Variants in ADGRB1 observed in about 807,000 individuals in gnomAD.
The protein encoded by ADGRB1 is adhesion G protein-coupled receptor B1.
ADGRB1 carries 36 observed loss-of-function variants against 175.7 expected under a neutral mutation model. The ratio of observed to expected loss-of-function variants is 0.20; its 90% confidence interval spans 0.16 to 0.27. The LOEUF is 0.27. Ranked by LOEUF, ADGRB1 falls within the 10% of genes least tolerant of loss-of-function variation. The pLI, the probability that ADGRB1 is intolerant of heterozygous loss-of-function variation, is 1.00. For missense variants in ADGRB1, 1,731 were observed against 2,255.3 expected, an observed-to-expected ratio of 0.77 and a Z score of 4.71; for synonymous variants, 1,054 against 979.4, an observed-to-expected ratio of 1.08 and a Z score of -1.42.
In ADGRB1 at chr8:142,478,274, G is replaced by A. The variant is rs1396985966; in HGVS notation, c.1475G>A (p.Arg492His). ...SCSQGRQQRT[R>H]ECNGPSYGGA... is the part of the protein sequence containing the mutation. ...TCCCAGGGCCGACAGCAGCGCACGCGTGAATGCAACGGGCCTTCCTACGGG... is the reference window on the plus strand; with the variant it reads ...TCCCAGGGCCGACAGCAGCGCACGCATGAATGCAACGGGCCTTCCTACGGG... Residue 492 changes from arginine to histidine, a missense_variant, in exon 7 of 31, where the codon CGT becomes CAT. Arg to His is a conservative substitution (Grantham distance 29). This residue lies in a region of ADGRB1 where 388 missense variants were observed against 630.9 expected (regional missense o/e 0.61). Coordinates refer to ENST00000517894, the MANE Select transcript of ADGRB1 (RefSeq NM_001702.3). The A allele has an allele frequency of 6.2e-7, 1 of 1,610,542 alleles. No homozygotes were observed. The highest frequency in any genetic ancestry group is 1.7e-5 in the Admixed American group (1 of 59,758).
In ADGRB1 at chr8:142,469,328, T is replaced by C. The variant is rs548278090; in HGVS notation, c.784+4346T>C. On this transcript the variant is annotated intron_variant, in intron 2 of 30. Transcript: ENST00000517894. ...ATGTGTGAATGTAAATGTGTGCACA[T>C]GCATGTGTGTGAATGTGGGAGTGTC... is the stretch of plus-strand genomic sequence containing the variant. Among the ~76,000 whole-genome samples the C allele has an allele frequency of 2.6e-5, 4 of 151,480 alleles. No individual in the cohort carries two copies. In the East Asian group the frequency reaches 7.8e-4, roughly 30 times the overall value.
At position 142,518,076 on chromosome 8, in the gene ADGRB1, G is replaced by A. The variant is rs1407608870; in HGVS notation, c.2818-62G>A. ...TGCGGGCTCTCGGGTCTCAGTCTTC[G>A]GGTCTGCCGAGTGGGCGAGTGGGGT... On this transcript the variant is annotated intron_variant, in intron 18 of 30. Coordinates refer to ENST00000517894, the MANE Select transcript of ADGRB1 (RefSeq NM_001702.3). 3.1e-5 allele frequency: 47 copies of A among 1,533,248 alleles called. No individual in the cohort carries two copies. Among genetic ancestry groups the A allele is most frequent in the Non-Finnish European group, 2.9e-5 (32 of 1,113,402 alleles). The allele number at this position is 1,533,248 out of a possible 1,614,324, so 95.0% of individuals were successfully genotyped here. A position where few individuals can be genotyped will look rare whatever the true frequency, so the allele number is the denominator to read the frequency against.
In ADGRB1 at chr8:142,461,691, G is replaced by A. The variant is rs114415816; in HGVS notation, c.-219-2289G>A. On this transcript the variant is annotated intron_variant, in intron 1 of 30. Coordinates refer to ENST00000517894, the MANE Select transcript of ADGRB1 (RefSeq NM_001702.3). ...CCTGGGATGAGGAGGGGAAAGGTGGGCCTTGGCATCTTGAGCTGTGCGGGT... is the reference window on the plus strand; with the variant it reads ...CCTGGGATGAGGAGGGGAAAGGTGGACCTTGGCATCTTGAGCTGTGCGGGT... 4.0e-3 allele frequency among the ~76,000 whole-genome samples: 607 copies of A among 152,330 alleles called. 5 individuals are homozygous for A. The highest frequency in any genetic ancestry group is 0.014 in the African/African-American group (583 of 41,576).
chr8:142,459,322 T>C (rs1839846876), intron 1 of ADGRB1, among the ~76,000 whole-genome samples: 1 of 152,078 alleles, frequency 6.6e-6, no homozygotes, highest in Non-Finnish European at 1.5e-5. Flanking sequence ...ACCCAGGGGA[T>C]CCTCCCAACC....
chr8:142,526,645 C>T lies in ADGRB1; in HGVS notation c.3398+18C>T, dbSNP rs559797185. 5.0e-5 allele frequency: 80 copies of T among 1,602,690 alleles called. No individual in the cohort carries two copies. In the South Asian group the frequency reaches 6.8e-4, roughly 14 times the overall value. The stretch of plus-strand genomic sequence containing the variant: ...CGGGCAGGGTAGGACCGGGGCTACG[C>T]GGCTCCTTGCCCACCCGGAGTGCAA... On this transcript the variant is annotated intron_variant, in intron 24 of 30. Transcript: ENST00000517894.
chr8:142,452,906 G>A (rs1839440634), intron 1 of ADGRB1, among the ~76,000 whole-genome samples: 1 of 148,482 alleles, frequency 6.7e-6, no homozygotes, highest in South Asian at 2.1e-4. Context: ...CGCTGCCGCT[G>A]ACTGCCGGGA....
At chr8:142,456,010 G>A (rs1032453493) in intron 1 of ADGRB1, among the ~76,000 whole-genome samples, 4 of 152,158 alleles carry the variant, frequency 2.6e-5, no homozygotes, top group Admixed American at 6.5e-5. Flanking sequence ...AAGTCTTGGT[G>A]AGGCCCCAGT....
intron 24 of ADGRB1, among the ~76,000 whole-genome samples, chr8:142,529,398 C>A (rs1476737215): frequency 6.6e-6 from 1 of 152,014 alleles, no homozygotes; most frequent in African/African-American, 2.4e-5. Context: ...CTTTTAATTT[C>A]GCTTGTAGCC....
Position 142,511,175 on chromosome 8 carries a change from C to G in ADGRB1, c.2817+102C>G. On this transcript the variant is annotated intron_variant, in intron 18 of 30. Coordinates refer to ENST00000517894, the MANE Select transcript of ADGRB1 (RefSeq NM_001702.3). This position sits in a 1 kb window ranked among gnomAD's most constrained non-coding sequence, Gnocchi z 4.5. The stretch of plus-strand genomic sequence containing the variant: ...GGGAGGGCCCGCACCCGTCCTGTCC[C>G]GGAGGGGTCGCTGTGGCCCGCAGCC... The G allele has an allele frequency of 3.2e-6, 3 of 928,740 alleles. No homozygotes were observed. The highest frequency in any genetic ancestry group is 5.2e-4 in the Middle Eastern group (1 of 1,912). The allele number at this position is 928,740 out of a possible 1,614,324, so 57.5% of individuals were successfully genotyped here.
chr8:142,541,840 C>T lies in ADGRB1; in HGVS notation c.3707-101C>T, dbSNP rs116050017. 2,017 of 1,266,744 alleles carry T rather than the reference C, an allele frequency of 1.6e-3. 31 individuals carry two copies. In the African/African-American group the frequency reaches 0.027, roughly 17 times the overall value. The allele number at this position is 1,266,744 out of a possible 1,614,324, so 78.5% of individuals were successfully genotyped here. A position where few individuals can be genotyped will look rare whatever the true frequency, so the allele number is the denominator to read the frequency against. ...CTGGCCAGGGTCTCCCAGGAGGTGG[C>T]GGCCTCGCAGGGCAGACTGGGCCCC... On this transcript the variant is annotated intron_variant, in intron 27 of 30. Transcript: ENST00000517894.
At chr8:142,528,688 G>A (rs541245945) in intron 24 of ADGRB1, among the ~76,000 whole-genome samples, 1 of 152,072 alleles carries the variant, frequency 6.6e-6, no homozygotes, top group African/African-American at 2.4e-5. Flanking sequence ...CACCCTTGGG[G>A]CTCCGCGCTC....
At chr8:142,454,021 CTGA>C (rs1839513849) in intron 1 of ADGRB1, among the ~76,000 whole-genome samples, 1 of 152,160 alleles carries the variant, frequency 6.6e-6, no homozygotes, top group Non-Finnish European at 1.5e-5. Context: ...GACCTGAGCC[CTGA>C]AGGTCTTGGC....
intron 2 of ADGRB1, among the ~76,000 whole-genome samples, chr8:142,468,209 C>T (rs556508735): frequency 0.015 from 2,267 of 150,152 alleles, 64 homozygotes; most frequent in African/African-American, 0.053. Flanking sequence ...AGTGTGGGTG[C>T]GTGTGTGTGT....
At chr8:142,506,668 C>CG (rs1287494969) in intron 17 of ADGRB1, among the ~76,000 whole-genome samples, 5 of 152,192 alleles carry the variant, frequency 3.3e-5, no homozygotes, top group Non-Finnish European at 5.9e-5. Flanking sequence ...GTCAGACTTT[C>CG]GGGGGAACTT....
At chr8:142,480,195 C>T (rs140839851) in intron 9 of ADGRB1, among the ~76,000 whole-genome samples, 2,147 of 152,258 alleles carry the variant, frequency 0.014, 23 homozygotes, top group African/African-American at 0.02. Flanking sequence ...GGGAAGGGCT[C>T]GCTGCACTAG....
Position 142,455,051 on chromosome 8 carries a change from G to A in ADGRB1, c.-220+4947G>A, listed in dbSNP as rs922772391. On this transcript the variant is annotated intron_variant, in intron 1 of 30. Coordinates refer to ENST00000517894, the MANE Select transcript of ADGRB1 (RefSeq NM_001702.3). This position sits in a 1 kb window ranked among gnomAD's most constrained non-coding sequence, Gnocchi z 4.9. ...TCCCCTGTCCTGCTCATCGCCAGCC[G>A]CAGCACCCTCATATTTGACACCAGC... is the stretch of plus-strand genomic sequence containing the variant. Among the ~76,000 whole-genome samples, 2 of 150,556 alleles carry A rather than the reference G, an allele frequency of 1.3e-5. No individual in the cohort carries two copies. The highest frequency in any genetic ancestry group is 6.6e-5 in the Admixed American group (1 of 15,098).
intron 17 of ADGRB1, among the ~76,000 whole-genome samples, chr8:142,497,283 G>T (rs1842263794): frequency 6.6e-6 from 1 of 152,162 alleles, no homozygotes; most frequent in African/African-American, 2.4e-5. Flanking sequence ...CCCTCCCTGG[G>T]ACCCCTGCCC....
intron 19 of ADGRB1, among the ~76,000 whole-genome samples, chr8:142,518,926 G>A (rs909200817): frequency 6.6e-6 from 1 of 152,228 alleles, no homozygotes. Context: ...TGCAGGCAGC[G>A]CGATGTCAGC....
At chr8:142,501,278 A>G (rs1045797676) in intron 17 of ADGRB1, among the ~76,000 whole-genome samples, 3 of 138,072 alleles carry the variant, frequency 2.2e-5, no homozygotes, top group African/African-American at 5.4e-5. Flanking sequence ...GGTGGTGGTG[A>G]TGATGGAGGT....
Sources: gnomAD v4.1 joint callset for allele counts (sites outside exome capture counted in the v4.1 genomes callset) on GRCh38, gnomAD v4.1.1 for gene constraint, gnomAD v4.1.1 regional missense constraint, Gnocchi (gnomAD v3.1) non-coding constraint, MANE v1.5 for transcripts, NCBI Gene and HGNC (gene_info 2026-07-23, HGNC 2026-07-21) for gene names.